Variants in CSMD1 observed in about 807,000 individuals in gnomAD.
The protein encoded by CSMD1 is CUB and Sushi multiple domains 1, also known as CUB and sushi domain-containing protein 1.
In CSMD1, 213 loss-of-function variants were observed where a neutral mutation model predicts 417.5. The ratio of observed to expected loss-of-function variants is 0.51; its 90% CI spans 0.46 to 0.57. The LOEUF is 0.57. Among genes scored for constraint, CSMD1 ranks in the 20% least tolerant of loss-of-function variants. CSMD1 has a pLI of 0.00. For missense variants in CSMD1, 6,923 were observed against 4,529.7 expected, an observed-to-expected ratio of 1.53 and a Z score of -15.17; for synonymous variants, 2,862 against 1,736.8, an observed-to-expected ratio of 1.65 and a Z score of -16.11.
chr8:4,425,665 A>T (rs1797506629), intron 2 of CSMD1, among the ~76,000 whole-genome samples: 1 of 146,402 alleles, frequency 6.8e-6, no homozygotes, highest in East Asian at 2.1e-4. Flanking sequence ...CACTTTGAGG[A>T]ATCCCTGCTT....
rs188979694 is a variant in CSMD1 at position 4,358,414 on chromosome 8, T to C, written c.415+61539A>G. 5.4e-4 allele frequency among the ~76,000 whole-genome samples: 81 copies of C among 150,838 alleles called. 1 individual carries two copies. The highest frequency in any genetic ancestry group is 1.8e-3 in the African/African-American group (74 of 41,068). On this transcript the variant is annotated intron_variant, in intron 3 of 69. Transcript: ENST00000635120. ...GGGACTGTTTCGTGACACGTGAAAATATATGAAATTCAAATTTCAGTGTCC... is the reference window on the plus strand; with the variant it reads ...GGGACTGTTTCGTGACACGTGAAAACATATGAAATTCAAATTTCAGTGTCC...
At chr8:3,583,509 C>T (rs577114438) in intron 9 of CSMD1, among the ~76,000 whole-genome samples, 1 of 152,092 alleles carries the variant, frequency 6.6e-6, no homozygotes, top group South Asian at 2.1e-4. Flanking sequence ...AGGTAGGAAG[C>T]AGGGTGTTCA....
rs756176284 is a variant in CSMD1, at chr8:2,938,603, T to C, written c.10677A>G (p.Thr3559=). ...KAVRFDTTLN[T]VCTVV ...CTGAGGGCTATACCACTGTACAGAC[T>C]GTGTTCAGAGTTGTGTCAAACCTCA... The change falls in exon 70 of 70, where the codon ACA becomes ACG. Residue 3559 remains threonine, a synonymous_variant. Coordinates refer to ENST00000635120, the MANE Select transcript of CSMD1 (RefSeq NM_033225.6). The C allele has an allele frequency of 1.2e-6, 2 of 1,612,268 alleles. No individual in the cohort carries two copies. The highest frequency in any genetic ancestry group is 2.2e-5 in the South Asian group (2 of 90,460).
At chr8:3,469,963 TTTTC>T (rs1816993351) in intron 11 of CSMD1, among the ~76,000 whole-genome samples, 1 of 152,238 alleles carries the variant, frequency 6.6e-6, no homozygotes, top group African/African-American at 2.4e-5. Flanking sequence ...AGAGAGATTT[TTTTC>T]TTTCTTTCTT....
chr8:2,966,210 C>A (rs976706395), intron 58 of CSMD1, among the ~76,000 whole-genome samples: 1 of 152,078 alleles, frequency 6.6e-6, no homozygotes, highest in Admixed American at 6.6e-5. Context: ...CTTGACTAGC[C>A]CCTAATTAGG....
rs549613095 is a variant in CSMD1, at chr8:4,542,750, G to A, written c.302+94592C>T. 1.4e-4 allele frequency among the ~76,000 whole-genome samples: 22 copies of A among 151,974 alleles called. No individual in the cohort carries two copies. The East Asian group carries it at 3.9e-3, about 27-fold the overall frequency. ...ATGGATGGTCATGAAAAAAATAAGTGAAAGTACAAAGTAAACATATGGTAG... is the reference window on the plus strand; with the variant it reads ...ATGGATGGTCATGAAAAAAATAAGTAAAAGTACAAAGTAAACATATGGTAG... On this transcript the variant is annotated intron_variant, in intron 2 of 69. Coordinates refer to ENST00000635120, the MANE Select transcript of CSMD1 (RefSeq NM_033225.6).
chr8:3,344,488 G>T (rs1430149075), intron 22 of CSMD1, among the ~76,000 whole-genome samples: 2 of 152,182 alleles, frequency 1.3e-5, no homozygotes, highest in Non-Finnish European at 2.9e-5. Flanking sequence ...AAAAGTCAAT[G>T]CAGCAGTCCT....
chr8:3,026,975 G>A (rs960509081), intron 51 of CSMD1, among the ~76,000 whole-genome samples: 5 of 152,086 alleles, frequency 3.3e-5, no homozygotes, highest in South Asian at 2.1e-4. Flanking sequence ...AGGAGAAAGC[G>A]GCCATTAAGG....
intron 1 of CSMD1, among the ~76,000 whole-genome samples, chr8:4,685,228 T>C (rs11136762): frequency 0.72 from 109,299 of 152,162 alleles, 40,244 homozygotes; most frequent in African/African-American, 0.87. Flanking sequence ...AAGTGCTGCA[T>C]GGGAGAAAAT....
chr8:4,567,030 G>C (rs375332021), intron 2 of CSMD1, among the ~76,000 whole-genome samples: 3 of 152,112 alleles, frequency 2.0e-5, no homozygotes, highest in African/African-American at 7.2e-5. Context: ...ATTAACTGGC[G>C]TCCTACGGAG....
intron 51 of CSMD1, among the ~76,000 whole-genome samples, chr8:3,024,755 G>A (rs1157050115): frequency 6.6e-6 from 1 of 152,164 alleles, no homozygotes; most frequent in East Asian, 1.9e-4. Flanking sequence ...ACCATGTTGA[G>A]GAACTCAATA....
At chr8:3,706,039 C>G (rs529464974) in intron 7 of CSMD1, among the ~76,000 whole-genome samples, 1 of 152,234 alleles carries the variant, frequency 6.6e-6, no homozygotes, top group African/African-American at 2.4e-5. Context: ...AAACGGGGCT[C>G]ATGGTGGGAA....
In CSMD1 at chr8:3,199,754, C is replaced by T. The variant is rs748811179; in HGVS notation, c.5154G>A (p.Lys1718=). 2.5e-6 allele frequency: 4 copies of T among 1,589,242 alleles called. No homozygotes were observed. Among genetic ancestry groups the T allele is most frequent in the Middle Eastern group, 1.7e-4 (1 of 6,052 alleles). The part of the protein sequence containing the change: ...SNQILLRFSA[K]SGASARGFHF... ...GGAAGCCGCGGGCAGAGGCACCGCT[C>T]TTTGCACTGAATCGGAGCAGAATTT... is the stretch of plus-strand genomic sequence containing the variant. The change falls in exon 33 of 70, where the codon AAG becomes AAA. Residue 1718 remains lysine, a synonymous_variant. Coordinates refer to ENST00000635120, the MANE Select transcript of CSMD1 (RefSeq NM_033225.6).
rs775438573 is a variant in CSMD1, at chr8:3,343,467, G to C, written c.3475-17C>G. 20 of 1,608,030 alleles carry C rather than the reference G, an allele frequency of 1.2e-5. No individual in the cohort carries two copies. Among genetic ancestry groups the C allele is most frequent in the Non-Finnish European group, 1.6e-5 (19 of 1,175,442 alleles). ...ATCATATACCTGATGAAAATTCACA[G>C]CATGAGTCCCTCTATGCCTTCACTG... On this transcript the variant is annotated splice_polypyrimidine_tract_variant and intron_variant, in intron 22 of 69. Coordinates refer to ENST00000635120, the MANE Select transcript of CSMD1 (RefSeq NM_033225.6).
rs150367977 is a variant in CSMD1, at chr8:4,029,863, G to C, written c.610+2042C>G. On this transcript the variant is annotated intron_variant, in intron 4 of 69. Coordinates refer to ENST00000635120, the MANE Select transcript of CSMD1 (RefSeq NM_033225.6). ...AGACAAATGCAGGCACAAGAATTGG[G>C]TAAATACAGCCATTCAAAAATGGGA... 2.6e-5 allele frequency among the ~76,000 whole-genome samples: 4 copies of C among 151,916 alleles called. No homozygotes were observed. In the South Asian group the frequency reaches 8.3e-4, roughly 32 times the overall value.
intron 52 of CSMD1, among the ~76,000 whole-genome samples, chr8:3,005,278 T>C (rs1034103544): frequency 2.0e-5 from 3 of 152,196 alleles, no homozygotes; most frequent in African/African-American, 7.2e-5. Context: ...TTCCGTACCA[T>C]AAGCTTTGAA....
chr8:4,116,261 T>C (rs1226886474), intron 3 of CSMD1, among the ~76,000 whole-genome samples: 1 of 151,950 alleles, frequency 6.6e-6, no homozygotes, highest in Admixed American at 6.6e-5. Context: ...CCCACAGTGC[T>C]GGGATTACAA....
intron 17 of CSMD1, 74 bp downstream of exon 17, chr8:3,396,120 G>T: frequency 7.5e-7 from 1 of 1,329,134 alleles, no homozygotes; most frequent in Non-Finnish European, 1.0e-6. Context: ...CTGCAGGCTG[G>T]AAATAAGAAC....
rs577926362 is a variant in CSMD1 at position 4,390,676 on chromosome 8, G to T, written c.415+29277C>A. Among the ~76,000 whole-genome samples, 63 of 151,912 alleles carry T rather than the reference G, an allele frequency of 4.1e-4. 1 individual carries two copies. In the South Asian group the frequency reaches 0.013, roughly 31 times the overall value. On this transcript the variant is annotated intron_variant, in intron 3 of 69. Coordinates refer to ENST00000635120, the MANE Select transcript of CSMD1 (RefSeq NM_033225.6). ...CGACAGGCACCCCCCACCACGCCCG[G>T]CTAATTTTTTGTATTTTCAGTAGAG...
Sources: gnomAD v4.1 joint callset for allele counts (sites outside exome capture counted in the v4.1 genomes callset) on GRCh38, gnomAD v4.1.1 for gene constraint, MANE v1.5 for transcripts, NCBI Gene and HGNC (gene_info 2026-07-23, HGNC 2026-07-21) for gene names.